The following TBC1D22A variants were observed in gnomAD, a reference collection of about 807,000 sequenced individuals.
TBC1D22A encodes the protein putative GTPase activator.
In TBC1D22A, 38 loss-of-function variants were observed where a neutral mutation model predicts 60.2. The ratio of observed to expected loss-of-function variants is 0.63; its 90% CI spans 0.49 to 0.83. TBC1D22A has a LOEUF of 0.83. Ranked by LOEUF, TBC1D22A falls within the 40% of genes least tolerant of loss-of-function variation. The pLI is 0.00. For synonymous variants in TBC1D22A, 302 were observed against 281.7 expected (o/e 1.07, Z -0.72); for missense variants, 628 against 701.0 (o/e 0.90, Z 1.18).
chr22:47,113,022 C>T (rs1251798377), intron 12 of TBC1D22A, among the ~76,000 whole-genome samples: 3 of 152,236 alleles, frequency 2.0e-5, no homozygotes, highest in Non-Finnish European at 4.4e-5. Flanking sequence ...GGTCTCCTGG[C>T]CAGCCTCCTG....
intron 4 of TBC1D22A, among the ~76,000 whole-genome samples, chr22:46,806,778 A>G (rs801653): frequency 0.65 from 98,516 of 152,102 alleles, 32,093 homozygotes; most frequent in African/African-American, 0.73. Flanking sequence ...GGAGCCTGAG[A>G]GGGCGGAGGT....
At chr22:46,764,250 G>A (rs1280958797) in intron 1 of TBC1D22A, 3 of 152,256 alleles carry the variant, frequency 2.0e-5, no homozygotes, top group Admixed American at 6.5e-5. Flanking sequence ...TTCGAGAACA[G>A]TAAGACCTTT....
intron 11 of TBC1D22A, among the ~76,000 whole-genome samples, chr22:47,043,696 A>T (rs994159535): frequency 2.2e-4 from 34 of 151,916 alleles, no homozygotes; most frequent in Admixed American, 2.2e-3. Flanking sequence ...GAAGGGTGCA[A>T]AGAGGGTCCT....
intron 11 of TBC1D22A, among the ~76,000 whole-genome samples, chr22:47,076,728 T>C (rs1435376866): frequency 1.3e-5 from 2 of 152,046 alleles, no homozygotes; most frequent in Admixed American, 6.6e-5. Flanking sequence ...TTGCTTTGAC[T>C]GCATGTAACA....
At chr22:47,168,032 G>A (rs1159443676) in intron 12 of TBC1D22A, among the ~76,000 whole-genome samples, 1 of 152,232 alleles carries the variant, frequency 6.6e-6, no homozygotes, top group African/African-American at 2.4e-5. Flanking sequence ...ACTTGCCCAG[G>A]GTTGTGTAGC....
chr22:46,968,322 C>T (rs1040739984), intron 8 of TBC1D22A, among the ~76,000 whole-genome samples: 7 of 152,228 alleles, frequency 4.6e-5, no homozygotes, highest in African/African-American at 1.4e-4. Flanking sequence ...CACTTCCTAG[C>T]GCAGGACCTG....
At chr22:46,967,810 G>A (rs2073875762) in intron 8 of TBC1D22A, among the ~76,000 whole-genome samples, 1 of 151,292 alleles carries the variant, frequency 6.6e-6, no homozygotes, top group Non-Finnish European at 1.5e-5. Context: ...GCACCCCCTG[G>A]TAATTACAAG....
intron 11 of TBC1D22A, among the ~76,000 whole-genome samples, chr22:47,076,918 A>T: frequency 6.6e-6 from 1 of 152,216 alleles, no homozygotes; most frequent in East Asian, 1.9e-4. Flanking sequence ...CCATAAGGGC[A>T]GCTTGAGTTC....
chr22:46,867,440 A>G (rs1009199682), intron 4 of TBC1D22A, among the ~76,000 whole-genome samples: 1 of 152,224 alleles, frequency 6.6e-6, no homozygotes, highest in Non-Finnish European at 1.5e-5. Context: ...ACCTCCTTAC[A>G]TATGTAAAAA....
chr22:46,949,380 C>T lies in TBC1D22A; in HGVS notation c.1016-24910C>T, dbSNP rs544817916. Among the ~76,000 whole-genome samples, 7 of 152,250 alleles carry T rather than the reference C, an allele frequency of 4.6e-5. No individual in the cohort carries two copies. The South Asian group carries it at 1.2e-3, about 27-fold the overall frequency. On this transcript the variant is annotated intron_variant, in intron 8 of 12. Transcript: ENST00000337137. ...ATGCCAGAGAAAGAAGTTGGTTTTC[C>T]GAGGGCCCCATCTGTGATGGAGCTG...
Position 46,797,516 on chromosome 22 carries a change from G to T in TBC1D22A, c.533G>T (p.Gly178Val), listed in dbSNP as rs1170571861. The change falls in exon 4 of 13, where the codon GGC (glycine) becomes GTC (valine). Residue 178 changes from glycine to valine, a missense_variant. By Grantham distance (109) the Gly-to-Val change is moderately radical. Coordinates refer to ENST00000337137, the MANE Select transcript of TBC1D22A (RefSeq NM_014346.5). Reference sequence around the variant, plus strand: ...CACTCGGCCACCGTCACGCTGGGTGGCACATCTGACCCCAGCACTCTCAGC... The same window carrying T: ...CACTCGGCCACCGTCACGCTGGGTGTCACATCTGACCCCAGCACTCTCAGC... The part of the protein sequence containing the change: ...LPHSATVTLG[G>V]TSDPSTLSSS... The T allele has an allele frequency of 4.3e-6, 7 of 1,613,918 alleles. No individual in the cohort carries two copies. The highest frequency in any genetic ancestry group is 1.3e-5 in the African/African-American group (1 of 74,918).
rs568885944 is a variant in TBC1D22A at position 47,088,597 on chromosome 22, A to T, written c.1330-22911A>T. 7.9e-3 allele frequency among the ~76,000 whole-genome samples: 1,175 copies of T among 149,212 alleles called. 6 individuals carry two copies. The highest frequency in any genetic ancestry group is 0.021 in the Middle Eastern group (6 of 286). On this transcript the variant is annotated intron_variant, in intron 11 of 12. Coordinates refer to ENST00000337137, the MANE Select transcript of TBC1D22A (RefSeq NM_014346.5). ...AGTATTCTATTTTCCTGCTAATCAA[A>T]TTTTTTTTTTTGACGGCAAGTTATT... is the stretch of plus-strand genomic sequence containing the variant.
intron 10 of TBC1D22A, among the ~76,000 whole-genome samples, chr22:47,012,470 C>T: frequency 6.6e-6 from 1 of 152,154 alleles, no homozygotes; most frequent in South Asian, 2.1e-4. Flanking sequence ...TCGTCCTGGG[C>T]CCTCGGAATC....
intron 12 of TBC1D22A, among the ~76,000 whole-genome samples, chr22:47,157,244 C>A (rs1008929163): frequency 7.9e-5 from 12 of 152,218 alleles, no homozygotes; most frequent in Non-Finnish European, 1.6e-4. Context: ...CGGCTCCTCC[C>A]ACCTGGAGAG....
intron 4 of TBC1D22A, among the ~76,000 whole-genome samples, chr22:46,861,918 G>T (rs1357983329): frequency 1.3e-5 from 2 of 152,212 alleles, no homozygotes; most frequent in Non-Finnish European, 2.9e-5. Flanking sequence ...ACAGAGCACA[G>T]TCCCTGGCCC....
At chr22:46,914,648 A>T (rs1390113882) in intron 8 of TBC1D22A, 1 of 152,334 alleles carries the variant, frequency 6.6e-6, no homozygotes, top group Non-Finnish European at 1.5e-5. Context: ...GCGGCCCTTC[A>T]TGGAGCACCT....
intron 9 of TBC1D22A, among the ~76,000 whole-genome samples, chr22:46,995,143 C>T (rs1396209262): frequency 6.6e-6 from 1 of 152,216 alleles, no homozygotes; most frequent in Non-Finnish European, 1.5e-5. Flanking sequence ...CAGCCCACGA[C>T]ATCTAGGAAA....
rs974080672 is a variant in TBC1D22A at position 47,009,174 on chromosome 22, A to C, written c.1201+11465A>C. Among the ~76,000 whole-genome samples, 1 of 152,038 alleles carries C rather than the reference A, an allele frequency of 6.6e-6. No homozygotes were observed. The highest frequency in any genetic ancestry group is 2.4e-5 in the African/African-American group (1 of 41,384). On this transcript the variant is annotated intron_variant, in intron 10 of 12. Coordinates refer to ENST00000337137, the MANE Select transcript of TBC1D22A (RefSeq NM_014346.5). This position sits in a 1 kb window ranked among gnomAD's most constrained non-coding sequence, Gnocchi z 5.8. ...CCATGCATGACGGGTCATGGGAGTA[A>C]AGTACTTACAGGAGTGCCTGGCACA...
chr22:47,098,804 G>T (rs1473101184), intron 11 of TBC1D22A, among the ~76,000 whole-genome samples: 1 of 152,228 alleles, frequency 6.6e-6, no homozygotes, highest in Non-Finnish European at 1.5e-5. Flanking sequence ...GGACACCAGG[G>T]AGTCATGCAG....
Sources: gnomAD v4.1 joint callset for allele counts (sites outside exome capture counted in the v4.1 genomes callset) on GRCh38, gnomAD v4.1.1 for gene constraint, Gnocchi (gnomAD v3.1) non-coding constraint, MANE v1.5 for transcripts, NCBI Gene and HGNC (gene_info 2026-07-23, HGNC 2026-07-21) for gene names.